The following INSYN2A variants were observed in gnomAD, a reference collection of about 807,000 sequenced individuals.
The protein encoded by INSYN2A is family with sequence similarity 196 member A.
A neutral mutation model predicts 39.4 loss-of-function variants in INSYN2A; 17 were observed. The ratio of observed to expected loss-of-function variants is 0.43; its 90% CI spans 0.30 to 0.65. INSYN2A has a LOEUF of 0.65. INSYN2A is among the 30% of genes least tolerant of loss of function. INSYN2A has a pLI of 0.14. For missense variants in INSYN2A, 595 were observed against 631.2 expected, an observed-to-expected ratio of 0.94 and a Z score of 0.61; for synonymous variants, 255 against 265.7, an observed-to-expected ratio of 0.96 and a Z score of 0.39.
intron 2 of INSYN2A, among the ~76,000 whole-genome samples, chr10:127,185,826 A>G (rs2056178407): frequency 6.6e-6 from 1 of 152,142 alleles, no homozygotes. Context: ...TGGCACACAC[A>G]CTCACAAAAA....
intron 5 of INSYN2A, among the ~76,000 whole-genome samples, chr10:127,143,396 T>C (rs1376907174): frequency 1.3e-5 from 2 of 152,194 alleles, no homozygotes; most frequent in African/African-American, 4.8e-5. Context: ...GTGCTAACCG[T>C]GGCTCTGTGC....
chr10:127,162,197 T>A (rs925694952), intron 4 of INSYN2A, among the ~76,000 whole-genome samples: 1 of 152,234 alleles, frequency 6.6e-6, no homozygotes, highest in African/African-American at 2.4e-5. Context: ...TAGAATGTCT[T>A]TCTGGGGAAG....
At chr10:127,163,423 C>T (rs1391683690) in intron 4 of INSYN2A, among the ~76,000 whole-genome samples, 2 of 152,068 alleles carry the variant, frequency 1.3e-5, no homozygotes, top group Admixed American at 6.6e-5. Flanking sequence ...ACAATGTGGG[C>T]AGAGGTTTTT....
chr10:127,186,521 CCCCGA>C, intron 2 of INSYN2A, among the ~76,000 whole-genome samples: 1 of 84,798 alleles, frequency 1.2e-5, no homozygotes, highest in East Asian at 3.3e-4. Context: ...CCCCGCCCCC[CCCCGA>C]TCCAGTTACC....
intron 5 of INSYN2A, among the ~76,000 whole-genome samples, chr10:127,150,217 C>T (rs907242423): frequency 6.6e-6 from 1 of 152,222 alleles, no homozygotes; most frequent in African/African-American, 2.4e-5. Context: ...AAGGAACTCA[C>T]TGGGTTCTGA....
intron 4 of INSYN2A, among the ~76,000 whole-genome samples, chr10:127,163,841 C>T (rs868723613): frequency 2.8e-5 from 4 of 144,274 alleles, no homozygotes; most frequent in South Asian, 2.2e-4. Flanking sequence ...TCCTGGTGGA[C>T]GTGTTCCAGG....
chr10:127,181,574 T>G (rs2055738295), intron 2 of INSYN2A, among the ~76,000 whole-genome samples: 1 of 152,128 alleles, frequency 6.6e-6, no homozygotes, highest in Admixed American at 6.5e-5. Flanking sequence ...AAATTATGGG[T>G]TTTCCTAGTG....
At chr10:127,152,283 T>C (rs1283726057) in intron 5 of INSYN2A, among the ~76,000 whole-genome samples, 1 of 152,236 alleles carries the variant, frequency 6.6e-6, no homozygotes, top group African/African-American at 2.4e-5. Flanking sequence ...AATTCTCTTT[T>C]GCAAGATGAG....
In INSYN2A at chr10:127,176,069, G is replaced by C. The variant is rs977355583; in HGVS notation, c.327C>G (p.Pro109=). The change falls in exon 4 of 6, where the codon CCC becomes CCG. Residue 109 remains proline, a synonymous_variant. Coordinates refer to ENST00000522781, the MANE Select transcript of INSYN2A (RefSeq NM_001039762.3). The surrounding 1 kb of genome is among the most constrained non-coding windows in gnomAD (Gnocchi z 4.4). ...ACGTCTGGTAACACTTCTTAAGGTCGGGCGAGGTCTGCACGCCTGTGCTCT... is the reference window on the plus strand; with the variant it reads ...ACGTCTGGTAACACTTCTTAAGGTCCGGCGAGGTCTGCACGCCTGTGCTCT... ...VTKSTGVQTS[P]DLKKCYQTFP... 1 of 1,613,956 alleles carries C rather than the reference G, an allele frequency of 6.2e-7. No individual in the cohort carries two copies. The highest frequency in any genetic ancestry group is 1.3e-5 in the African/African-American group (1 of 74,878).
At chr10:127,190,170 T>G (rs1030004248) in intron 2 of INSYN2A, among the ~76,000 whole-genome samples, 1 of 152,224 alleles carries the variant, frequency 6.6e-6, no homozygotes, top group Non-Finnish European at 1.5e-5. Context: ...CTCTAAAAAC[T>G]CAACTTCTAC....
At position 127,175,602 on chromosome 10, in the gene INSYN2A, G is replaced by A. The variant is rs752623435; in HGVS notation, c.794C>T (p.Ala265Val). ...AGAGTCTGACAAACCAGGCTCGGGG[G>A]CCCTGGCACTGAGGGCAGGTGCGTA... ...TVYAPALSAR[A>V]PEPGLSDSAA... The change falls in exon 4 of 6, where the codon GCC (alanine) becomes GTC (valine). Residue 265 changes from alanine (A) to valine (V), a missense_variant. By Grantham distance (64) the Ala-to-Val change is moderately conservative (BLOSUM62 0). Around this residue, in one of 2 missense-constraint regions of INSYN2A, gnomAD observed 478 missense variants for 467.4 expected, o/e 1.02. Coordinates refer to ENST00000522781, the MANE Select transcript of INSYN2A (RefSeq NM_001039762.3). This position sits in a 1 kb window ranked among gnomAD's most constrained non-coding sequence, Gnocchi z 6.3. 5.6e-6 allele frequency: 9 copies of A among 1,612,570 alleles called. No homozygotes were observed. The highest frequency in any genetic ancestry group is 1.3e-5 in the African/African-American group (1 of 74,916).
In INSYN2A at chr10:127,176,920, G is replaced by A. The variant is rs564254302; in HGVS notation, c.-49C>T. 3.2e-4 allele frequency: 49 copies of A among 153,020 alleles called. No individual in the cohort carries two copies. In the South Asian group the frequency reaches 4.5e-3, roughly 14 times the overall value. The allele number at this position is 153,020 out of a possible 1,614,324, so 9.5% of individuals were successfully genotyped here. ...AGCAGATAAATGTGGAGAGCCCTCC[G>A]AGGAGGAACGGAAAGAAATCTATTT... On this transcript the variant is annotated 5_prime_UTR_variant, in exon 3 of 6. Transcript: ENST00000522781. The surrounding 1 kb of genome is among the most constrained non-coding windows in gnomAD (Gnocchi z 4.4).
intron 5 of INSYN2A, among the ~76,000 whole-genome samples, chr10:127,142,534 GC>G (rs2051365097): frequency 6.6e-6 from 1 of 152,198 alleles, no homozygotes; most frequent in African/African-American, 2.4e-5. Flanking sequence ...AGCAGCTGGA[GC>G]CAGGCCAGCC....
At chr10:127,189,197 T>C (rs2056541625) in intron 2 of INSYN2A, among the ~76,000 whole-genome samples, 1 of 152,248 alleles carries the variant, frequency 6.6e-6, no homozygotes, top group Non-Finnish European at 1.5e-5. Context: ...TGTACGGTTG[T>C]CTTAGACTTA....
At chr10:127,162,890 C>T (rs2053710617) in intron 4 of INSYN2A, among the ~76,000 whole-genome samples, 1 of 152,132 alleles carries the variant, frequency 6.6e-6, no homozygotes, top group East Asian at 1.9e-4. Flanking sequence ...CACTTAAAAT[C>T]CAGAAGACCT....
intron 2 of INSYN2A, among the ~76,000 whole-genome samples, chr10:127,189,015 C>T (rs181379128): frequency 2.4e-4 from 37 of 152,202 alleles, no homozygotes; most frequent in Admixed American, 3.3e-4. Flanking sequence ...CTCAGGTGGT[C>T]GGCTCCTAGG....
rs61745557 is a variant in INSYN2A at position 127,195,812 on chromosome 10, G to C, written c.-395+185C>G. ...CTTGCCCCCCACCTGCGACCGCACC[G>C]GGTCCGCTCCCGGCTGCACCGGGGT... is the stretch of plus-strand genomic sequence containing the variant. On this transcript the variant is annotated intron_variant, in intron 1 of 5. Coordinates refer to ENST00000522781, the MANE Select transcript of INSYN2A (RefSeq NM_001039762.3). Among the ~76,000 whole-genome samples, 684 of 152,252 alleles carry C rather than the reference G, an allele frequency of 4.5e-3. 6 individuals carry two copies. Among genetic ancestry groups the C allele is most frequent in the African/African-American group, 0.016 (651 of 41,574 alleles).
chr10:127,170,410 C>G (rs907496455), intron 4 of INSYN2A, among the ~76,000 whole-genome samples: 2 of 152,200 alleles, frequency 1.3e-5, no homozygotes, highest in South Asian at 4.1e-4. Context: ...GAATCTGCTT[C>G]ACTCTGGGCA....
chr10:127,194,946 G>C (rs1441785143), intron 1 of INSYN2A, among the ~76,000 whole-genome samples: 33 of 152,322 alleles, frequency 2.2e-4, no homozygotes, highest in Admixed American at 2.2e-3. Flanking sequence ...AGCGCGTGCA[G>C]CTCCCCAGCA....
Sources: allele counts gnomAD v4.1 joint callset (sites outside exome capture counted in the v4.1 genomes callset), GRCh38; gene constraint gnomAD v4.1.1; regional missense constraint gnomAD v4.1.1; non-coding constraint Gnocchi (gnomAD v3.1); transcripts MANE v1.5; gene names NCBI Gene and HGNC (gene_info 2026-07-23, HGNC 2026-07-21).